Variants in MLXIPL observed in about 807,000 individuals in gnomAD.
The protein encoded by MLXIPL is MLX interacting protein like, also known as carbohydrate-responsive element-binding protein.
MLXIPL carries 49 observed loss-of-function variants against 81.5 expected under a neutral mutation model. The observed-to-expected ratio is 0.60, with a 90% confidence interval of 0.48 to 0.76. The LOEUF (loss-of-function observed/expected upper bound fraction) is 0.76. Ranked by LOEUF, MLXIPL falls within the 30% of genes least tolerant of loss-of-function variation. The pLI, the probability that MLXIPL is intolerant of heterozygous loss-of-function variation, is 0.00. For synonymous variants in MLXIPL, 466 were observed against 485.5 expected (o/e 0.96, Z 0.53); for missense variants, 1,053 against 1,167.0 (o/e 0.90, Z 1.42).
At chr7:73,630,446 C>A in the MLXIPL span, among the ~76,000 whole-genome samples, 8 of 152,030 alleles carry the variant, frequency 5.3e-5, no homozygotes, top group Admixed American at 5.2e-4. Context: ...GCGTGTGCCA[C>A]TATGCCCACC....
chr7:73,596,273 C>T lies in MLXIPL; in HGVS notation c.1939-1G>A. Reference sequence around the variant, plus strand: ...TGTGTGTGATACGCCGGTTCTCGGTCTCGGGGAGCAGAGAGTTGGGTGAGC... The same window carrying T: ...TGTGTGTGATACGCCGGTTCTCGGTTTCGGGGAGCAGAGAGTTGGGTGAGC... On this transcript the variant is annotated splice_acceptor_variant, in intron 12 of 16. Transcript: ENST00000313375. LOFTEE classifies it high-confidence loss of function. The surrounding 1 kb of genome is among the most constrained non-coding windows in gnomAD (Gnocchi z 4.7). 1 of 1,612,284 alleles carries T rather than the reference C, an allele frequency of 6.2e-7. No homozygotes were observed. The highest frequency in any genetic ancestry group is 8.5e-7 in the Non-Finnish European group (1 of 1,179,838).
At chr7:73,643,349 C>T in the MLXIPL span, among the ~76,000 whole-genome samples, 1 of 152,040 alleles carries the variant, frequency 6.6e-6, no homozygotes, top group Admixed American at 6.6e-5. Context: ...CCCGTCTCTA[C>T]TAAAAATATA....
intron 15 of MLXIPL, 131 bp from the exon 16 acceptor site, chr7:73,594,534 G>T: frequency 2.7e-6 from 3 of 1,117,706 alleles, no homozygotes; most frequent in Non-Finnish European, 3.9e-6. Flanking sequence ...AATGACTCAT[G>T]TTGCAGCCCC....
At chr7:73,629,671 G>A in the MLXIPL span, among the ~76,000 whole-genome samples, 1 of 152,208 alleles carries the variant, frequency 6.6e-6, no homozygotes, top group Non-Finnish European at 1.5e-5. Flanking sequence ...GCTGCAGTGA[G>A]CTATAAACAT....
At chr7:73,603,233 G>A (rs891035038) in intron 7 of MLXIPL, among the ~76,000 whole-genome samples, 1 of 152,140 alleles carries the variant, frequency 6.6e-6, no homozygotes, top group South Asian at 2.1e-4. Flanking sequence ...CTGGGTACAC[G>A]GAATGTTTGA....
chr7:73,600,056 G>T (rs549236341), intron 7 of MLXIPL, among the ~76,000 whole-genome samples: 10 of 152,088 alleles, frequency 6.6e-5, no homozygotes, highest in African/African-American at 2.2e-4. Flanking sequence ...GTGCAGAAAG[G>T]GGGTGCCCAG....
At chr7:73,615,433 T>C (rs574170257) in intron 2 of MLXIPL, among the ~76,000 whole-genome samples, 32 of 152,276 alleles carry the variant, frequency 2.1e-4, no homozygotes, top group African/African-American at 7.5e-4. Context: ...CACCCAACTA[T>C]GCTAATGGGA....
chr7:73,633,815 C>T, the MLXIPL span, among the ~76,000 whole-genome samples: 1 of 152,122 alleles, frequency 6.6e-6, no homozygotes, highest in South Asian at 2.1e-4. Flanking sequence ...AGAAACATGC[C>T]TCTGCCTCTT....
intron 7 of MLXIPL, among the ~76,000 whole-genome samples, chr7:73,603,216 C>G (rs546461706): frequency 1.3e-5 from 2 of 152,328 alleles, no homozygotes; most frequent in Admixed American, 1.3e-4. Flanking sequence ...CCAGTGCGCT[C>G]TGCCCTCTGG....
At chr7:73,618,479 G>A (rs1796127313) in intron 1 of MLXIPL, among the ~76,000 whole-genome samples, 1 of 150,970 alleles carries the variant, frequency 6.6e-6, no homozygotes, top group South Asian at 2.1e-4. Flanking sequence ...GTGGGTGGGT[G>A]CCAGTCTGAC....
Position 73,624,370 on chromosome 7 carries a change from C to T in MLXIPL, c.123G>A (p.Leu41=). ...CGCTGTGGATGACCTGCGAGCGGAG[C>T]AAGCCGCCCGCGCTGCGCCGGAGAC... ...DPSLRRSAGG[L]LRSQVIHSGH... Residue 41 remains leucine (L), a synonymous_variant, in exon 1 of 17, where the codon TTG becomes TTA. Coordinates refer to ENST00000313375, the MANE Select transcript of MLXIPL (RefSeq NM_032951.3). 1.9e-6 allele frequency: 3 copies of T among 1,576,388 alleles called. No individual in the cohort carries two copies. The highest frequency in any genetic ancestry group is 2.6e-6 in the Non-Finnish European group (3 of 1,165,778).
Position 73,605,606 on chromosome 7 carries a change from C to T in MLXIPL, c.901+82G>A, listed in dbSNP as rs1554597673. ...AAACGACCCAGACTATCAGCCCTCCCAGAGGGGCCTGGGATGGGCTCATCG... is the reference window on the plus strand; with the variant it reads ...AAACGACCCAGACTATCAGCCCTCCTAGAGGGGCCTGGGATGGGCTCATCG... On this transcript the variant is annotated intron_variant, in intron 7 of 16. Coordinates refer to ENST00000313375, the MANE Select transcript of MLXIPL (RefSeq NM_032951.3). 6.0e-6 allele frequency: 8 copies of T among 1,340,508 alleles called. No individual in the cohort carries two copies. In the African/African-American group the frequency reaches 8.7e-5, roughly 15 times the overall value. The allele number at this position is 1,340,508 out of a possible 1,614,324, so 83.0% of individuals were successfully genotyped here.
chr7:73,622,203 T>A lies in MLXIPL; in HGVS notation c.293+1997A>T, dbSNP rs1444013077. Among the ~76,000 whole-genome samples the A allele has an allele frequency of 7.2e-5, 11 of 151,912 alleles. No homozygotes were observed. In the East Asian group the frequency reaches 2.2e-3, roughly 30 times the overall value. On this transcript the variant is annotated intron_variant, in intron 1 of 16. Transcript: ENST00000313375. ...CACACCTGGCTGATTAAAGAAAATT[T>A]TTTTTGGCCAGGCATGTTGGCTCAT...
At chr7:73,635,462 G>A in the MLXIPL span, among the ~76,000 whole-genome samples, 1 of 151,816 alleles carries the variant, frequency 6.6e-6, no homozygotes, top group African/African-American at 2.4e-5. Context: ...TCATCTACCT[G>A]TCTATTCATT....
At chr7:73,603,043 C>A (rs1554596822) in intron 7 of MLXIPL, among the ~76,000 whole-genome samples, 2 of 152,308 alleles carry the variant, frequency 1.3e-5, no homozygotes, top group East Asian at 3.9e-4. Context: ...ACGGACCTGA[C>A]CTGTCATCCC....
upstream of MLXIPL, among the ~76,000 whole-genome samples, chr7:73,628,442 G>A (rs1399707819): frequency 1.3e-5 from 2 of 152,142 alleles, no homozygotes; most frequent in Non-Finnish European, 2.9e-5. Context: ...ACTGCACAAT[G>A]CAAAACATCC....
chr7:73,640,245 T>A, the MLXIPL span, among the ~76,000 whole-genome samples: 42,991 of 144,758 alleles, frequency 0.3, 6,397 homozygotes, highest in African/African-American at 0.37. Flanking sequence ...TCTCTTAAAA[T>A]AATAGCAAAA....
At chr7:73,598,112 A>T (rs79919514) in intron 8 of MLXIPL, among the ~76,000 whole-genome samples, 2 of 151,354 alleles carry the variant, frequency 1.3e-5, no homozygotes, top group African/African-American at 4.9e-5. Flanking sequence ...CAACCAACCT[A>T]CCATTCCTTC....
intron 7 of MLXIPL, among the ~76,000 whole-genome samples, chr7:73,602,685 AAG>A (rs1157177905): frequency 2.6e-5 from 4 of 152,058 alleles, no homozygotes; most frequent in African/African-American, 9.7e-5. Flanking sequence ...ATCTCAAAAA[AAG>A]GGGGACCAGG....
Sources: gnomAD v4.1 joint callset for allele counts (sites outside exome capture counted in the v4.1 genomes callset) on GRCh38, gnomAD v4.1.1 for gene constraint, Gnocchi (gnomAD v3.1) non-coding constraint, MANE v1.5 for transcripts, NCBI Gene and HGNC (gene_info 2026-07-23, HGNC 2026-07-21) for gene names.